Variants in SPIRE1 observed in about 807,000 individuals in gnomAD.
SPIRE1 encodes protein spire homolog 1.
In SPIRE1, 40 loss-of-function variants were observed where a neutral mutation model predicts 94.1. That is an observed-to-expected ratio of 0.43 (90% CI 0.33 to 0.55). SPIRE1 has a LOEUF of 0.55. Ranked by LOEUF, SPIRE1 falls within the 20% of genes least tolerant of loss-of-function variation. SPIRE1 has a pLI of 0.06. For missense variants in SPIRE1, 838 were observed against 975.2 expected, an observed-to-expected ratio of 0.86 and a Z score of 1.87; for synonymous variants, 376 against 371.7, an observed-to-expected ratio of 1.01 and a Z score of -0.13.
upstream of SPIRE1, among the ~76,000 whole-genome samples, chr18:12,660,481 C>T (rs536548090): frequency 6.6e-6 from 1 of 152,198 alleles, no homozygotes; most frequent in African/African-American, 2.4e-5. Context: ...GCTACCATGC[C>T]TGGCTAATTT....
intron 12 of SPIRE1, 41 bp from the exon 13 acceptor site, chr18:12,454,524 C>G (rs774628723): frequency 1.2e-6 from 2 of 1,606,814 alleles, no homozygotes; most frequent in African/African-American, 2.8e-5. Context: ...ATTCCTACCC[C>G]CTGTTCTGGA....
In SPIRE1 at chr18:12,559,435, C is replaced by T. The variant is rs2144382022; in HGVS notation, c.373-12531G>A. Among the ~76,000 whole-genome samples the T allele has an allele frequency of 6.6e-6, 1 of 152,272 alleles. No homozygotes were observed. Among genetic ancestry groups the T allele is most frequent in the African/African-American group, 2.4e-5 (1 of 41,558 alleles). ...CGGAACTCGTGCTGGCCTGCGAACA[C>T]CACGCGCAGCCCTGGTTGCCACCCG... On this transcript the variant is annotated intron_variant, in intron 2 of 16. Transcript: ENST00000409402. This position sits in a 1 kb window ranked among gnomAD's most constrained non-coding sequence, Gnocchi z 4.7.
chr18:12,532,218 A>C (rs2034703649), intron 4 of SPIRE1, among the ~76,000 whole-genome samples: 1 of 152,234 alleles, frequency 6.6e-6, no homozygotes, highest in Non-Finnish European at 1.5e-5. Flanking sequence ...TTTGCTTTCT[A>C]AATAAATAGA....
At chr18:12,621,236 G>A (rs909240686) in intron 2 of SPIRE1, among the ~76,000 whole-genome samples, 10 of 152,132 alleles carry the variant, frequency 6.6e-5, no homozygotes, top group African/African-American at 2.2e-4. Flanking sequence ...AACAAGTGTT[G>A]GCAAGGATGT....
intron 2 of SPIRE1, among the ~76,000 whole-genome samples, chr18:12,563,747 A>T (rs1434409847): frequency 6.6e-6 from 1 of 152,160 alleles, no homozygotes. Flanking sequence ...CTCAAAATAG[A>T]ACAAGATACC....
In SPIRE1 at chr18:12,462,955, G is replaced by A. The variant is rs976371011; in HGVS notation, c.1638+396C>T. On this transcript the variant is annotated intron_variant, in intron 12 of 16. Transcript: ENST00000409402. ...CTGCTGCCCAGGCTAGAGTGCAATG[G>A]TGTAGTCATAGCTCACTGCAGCCTT... Among the ~76,000 whole-genome samples the A allele has an allele frequency of 7.2e-5, 11 of 152,156 alleles. No homozygotes were observed. The East Asian group carries it at 1.5e-3, about 21-fold the overall frequency.
intron 2 of SPIRE1, among the ~76,000 whole-genome samples, chr18:12,588,779 T>C (rs528149615): frequency 2.0e-5 from 3 of 152,288 alleles, no homozygotes; most frequent in African/African-American, 7.2e-5. Flanking sequence ...TCCTAAATCT[T>C]TGTTTTTTTA....
At chr18:12,470,845 AC>A in intron 10 of SPIRE1, among the ~76,000 whole-genome samples, 1 of 152,000 alleles carries the variant, frequency 6.6e-6, no homozygotes, top group East Asian at 1.9e-4. Context: ...GCTGATCCTC[AC>A]TGAGTTAGGG....
chr18:12,578,028 CTAAAAT>C (rs2036157269), intron 2 of SPIRE1, among the ~76,000 whole-genome samples: 1 of 152,078 alleles, frequency 6.6e-6, no homozygotes, highest in Non-Finnish European at 1.5e-5. Context: ...TCTAGAATGA[CTAAAAT>C]TAAAAATACT....
chr18:12,473,368 G>C (rs1347000172), intron 10 of SPIRE1, among the ~76,000 whole-genome samples: 1 of 151,910 alleles, frequency 6.6e-6, no homozygotes, highest in East Asian at 1.9e-4. Flanking sequence ...ACATAGTGTT[G>C]CTCTTAATAA....
chr18:12,497,525 T>G (rs896124008), intron 6 of SPIRE1, among the ~76,000 whole-genome samples: 13 of 152,082 alleles, frequency 8.5e-5, no homozygotes, highest in African/African-American at 2.7e-4. Context: ...TGGGGCCTAC[T>G]CAACATCCAC....
chr18:12,458,021 T>A (rs1201835338), intron 12 of SPIRE1, among the ~76,000 whole-genome samples: 1 of 151,464 alleles, frequency 6.6e-6, no homozygotes, highest in Non-Finnish European at 1.5e-5. Context: ...ATTTTTTGTA[T>A]TTTTAGTAGA....
At chr18:12,456,578 G>A (rs577115487) in intron 12 of SPIRE1, among the ~76,000 whole-genome samples, 1 of 152,318 alleles carries the variant, frequency 6.6e-6, no homozygotes, top group South Asian at 2.1e-4. Context: ...TAACCAGATA[G>A]CCAGATTTGT....
At chr18:12,495,970 T>C in intron 7 of SPIRE1, 46 bp downstream of exon 7, 1 of 1,433,814 alleles carries the variant, frequency 7.0e-7, no homozygotes, top group Non-Finnish European at 9.8e-7. Flanking sequence ...AGTAGAATAA[T>C]TCATTATGAT....
intron 2 of SPIRE1, among the ~76,000 whole-genome samples, chr18:12,600,541 A>C (rs1188340611): frequency 6.6e-6 from 1 of 152,182 alleles, no homozygotes; most frequent in Non-Finnish European, 1.5e-5. Context: ...TTTTTACCTA[A>C]GTCAGCTAAT....
At chr18:12,661,305 T>A, upstream of SPIRE1, 1 of 931,172 alleles carries the variant, frequency 1.1e-6, no homozygotes, top group Non-Finnish European at 1.3e-6. Flanking sequence ...TGAGCCTTCA[T>A]CTCAAAAAAG....
intron 12 of SPIRE1, among the ~76,000 whole-genome samples, chr18:12,455,086 C>T (rs200216070): frequency 6.6e-6 from 1 of 152,066 alleles, no homozygotes; most frequent in Non-Finnish European, 1.5e-5. Context: ...CAGGTGCATG[C>T]CACCATGCCC....
intron 5 of SPIRE1, among the ~76,000 whole-genome samples, chr18:12,510,096 A>T (rs1199556373): frequency 7.2e-6 from 1 of 138,102 alleles, no homozygotes. Flanking sequence ...AAAAAAAAAA[A>T]AAACTAAAAA....
intron 2 of SPIRE1, among the ~76,000 whole-genome samples, chr18:12,616,928 C>T (rs1397207916): frequency 1.3e-5 from 2 of 151,906 alleles, no homozygotes; most frequent in African/African-American, 4.8e-5. Flanking sequence ...GGTGCAATCT[C>T]GGCTCACTGC....
Sources: allele counts gnomAD v4.1 joint callset (sites outside exome capture counted in the v4.1 genomes callset), GRCh38; gene constraint gnomAD v4.1.1; non-coding constraint Gnocchi (gnomAD v3.1); transcripts MANE v1.5; gene names NCBI Gene and HGNC (gene_info 2026-07-23, HGNC 2026-07-21).